The following TRIM9 variants were observed in gnomAD, a reference collection of about 807,000 sequenced individuals.
TRIM9 encodes the protein E3 ubiquitin-protein ligase TRIM9.
In TRIM9, 26 loss-of-function variants were observed where a neutral mutation model predicts 78.3. That is an observed-to-expected ratio of 0.33 (90% confidence interval 0.24 to 0.46). TRIM9 has a LOEUF of 0.46. Ranked by LOEUF, TRIM9 falls within the 20% of genes least tolerant of loss-of-function variation. The pLI, the probability that TRIM9 is intolerant of heterozygous loss-of-function variation, is 1.00. For missense variants in TRIM9, 787 were observed against 1,036.4 expected (o/e 0.76, Z 3.30); for synonymous variants, 398 against 416.5 (o/e 0.96, Z 0.54).
chr14:51,003,663 A>G (rs925100230), intron 5 of TRIM9, among the ~76,000 whole-genome samples: 4 of 152,062 alleles, frequency 2.6e-5, no homozygotes, highest in Non-Finnish European at 4.4e-5. Flanking sequence ...AAAAGGCTAG[A>G]CTCTCAATAA....
At chr14:51,076,981 G>A (rs890039847) in intron 1 of TRIM9, among the ~76,000 whole-genome samples, 4 of 152,196 alleles carry the variant, frequency 2.6e-5, no homozygotes, top group Non-Finnish European at 4.4e-5. Flanking sequence ...CTCTTCAGAC[G>A]CATCTAGTCC....
intron 1 of TRIM9, among the ~76,000 whole-genome samples, chr14:51,088,669 C>T (rs1207549558): frequency 2.0e-5 from 3 of 151,644 alleles, no homozygotes; most frequent in African/African-American, 4.8e-5. Flanking sequence ...AAAATCTCTT[C>T]GGCCTCTTTG....
At chr14:51,057,336 C>T (rs2060970796) in intron 1 of TRIM9, among the ~76,000 whole-genome samples, 1 of 152,086 alleles carries the variant, frequency 6.6e-6, no homozygotes, top group African/African-American at 2.4e-5. Context: ...CTAAAATAAT[C>T]CAAATTACCA....
At chr14:50,989,583 G>A (rs1014534624) in intron 7 of TRIM9, among the ~76,000 whole-genome samples, 6 of 152,168 alleles carry the variant, frequency 3.9e-5, no homozygotes, top group African/African-American at 1.4e-4. Context: ...AGGAGCTCCT[G>A]AAGAGACGTT....
intron 1 of TRIM9, among the ~76,000 whole-genome samples, chr14:51,043,711 T>G (rs1047522909): frequency 6.6e-6 from 1 of 152,200 alleles, no homozygotes; most frequent in Non-Finnish European, 1.5e-5. Context: ...TTATATGAAT[T>G]CTTTTTAGTT....
intron 11 of TRIM9, among the ~76,000 whole-genome samples, chr14:50,980,021 C>T (rs2051642360): frequency 6.6e-6 from 1 of 152,322 alleles, no homozygotes; most frequent in Non-Finnish European, 1.5e-5. Context: ...TACAAAGTGA[C>T]TTAATTTGAA....
At chr14:51,071,135 T>C (rs2062193422) in intron 1 of TRIM9, among the ~76,000 whole-genome samples, 1 of 151,862 alleles carries the variant, frequency 6.6e-6, no homozygotes, top group Admixed American at 6.6e-5. Context: ...TCCTAGCACT[T>C]TGAGGCCAGG....
At chr14:50,985,035 A>C (rs1347874820) in intron 8 of TRIM9, among the ~76,000 whole-genome samples, 1 of 152,258 alleles carries the variant, frequency 6.6e-6, no homozygotes, top group East Asian at 1.9e-4. Flanking sequence ...AAAAGAATAA[A>C]ATAAAAACCA....
At chr14:51,018,198 T>TC (rs1402804067) in intron 3 of TRIM9, among the ~76,000 whole-genome samples, 1 of 152,210 alleles carries the variant, frequency 6.6e-6, no homozygotes, top group Admixed American at 6.5e-5. Context: ...TAGTTGCTTT[T>TC]TTTTTCTAGT....
chr14:51,010,527 A>T (rs202200082), intron 3 of TRIM9, 33 bp from the exon 4 acceptor site: 2 of 1,528,908 alleles, frequency 1.3e-6, no homozygotes, highest in Non-Finnish European at 1.8e-6. Context: ...AGAACAGTCC[A>T]AGATGGCAGA....
At position 50,977,268 on chromosome 14, in the gene TRIM9, G is replaced by A; in HGVS notation, c.*23C>T. ...TCGCAGGCGGAGGTAAGAACAGGCAGCTGGCGCCTCCACGGCACATCCTTA... is the reference window on the plus strand; with the variant it reads ...TCGCAGGCGGAGGTAAGAACAGGCAACTGGCGCCTCCACGGCACATCCTTA... On this transcript the variant is annotated 3_prime_UTR_variant, in exon 13 of 13. Coordinates refer to ENST00000684578, the MANE Select transcript of TRIM9 (RefSeq NM_001387360.1). 1 of 1,459,520 alleles carries A rather than the reference G, an allele frequency of 6.9e-7. No homozygotes were observed. The highest frequency in any genetic ancestry group is 1.5e-5 in the South Asian group (1 of 67,600). The allele number at this position is 1,459,520 out of a possible 1,614,324, so 90.4% of individuals were successfully genotyped here.
At chr14:51,026,179 A>C (rs1368965333) in intron 1 of TRIM9, among the ~76,000 whole-genome samples, 1 of 152,074 alleles carries the variant, frequency 6.6e-6, no homozygotes, top group African/African-American at 2.4e-5. Context: ...CTGATACGGA[A>C]CCACTGTGAT....
intron 1 of TRIM9, among the ~76,000 whole-genome samples, chr14:51,039,724 TA>T (rs1162200181): frequency 6.6e-6 from 1 of 151,538 alleles, no homozygotes; most frequent in African/African-American, 2.4e-5. Flanking sequence ...CAGATTTGTA[TA>T]TTTTATTATA....
chr14:51,094,077 G>C (rs544641733), intron 1 of TRIM9, 41 bp downstream of exon 1: 43 of 1,564,528 alleles, frequency 2.7e-5, no homozygotes, highest in South Asian at 2.7e-4. Flanking sequence ...CCGGATGATC[G>C]GAGACGCAGG....
chr14:50,979,485 A>G lies in TRIM9; in HGVS notation c.2227T>C (p.Leu743=). Residue 743 remains leucine, a synonymous_variant, in exon 12 of 13, where the codon TTG becomes CTG. Transcript: ENST00000684578. The part of the protein sequence containing the change: ...GVLLDLNRKN[L]TFFINDEQQG... ...TGTTCATCGTTGATAAAAAATGTCA[A>G]GTTTTTTCTATTTAAGTCGAGGAGG... The G allele has an allele frequency of 6.2e-7, 1 of 1,614,140 alleles. No homozygotes were observed. Among genetic ancestry groups the G allele is most frequent in the Non-Finnish European group, 8.5e-7 (1 of 1,180,026 alleles).
At chr14:50,977,664 C>T (rs939391792) in intron 12 of TRIM9, among the ~76,000 whole-genome samples, 1 of 152,130 alleles carries the variant, frequency 6.6e-6, no homozygotes, top group Admixed American at 6.5e-5. Flanking sequence ...GATAGAGGAG[C>T]CTACTGGCCA....
chr14:51,043,079 T>C (rs1384727956), intron 1 of TRIM9, among the ~76,000 whole-genome samples: 1 of 152,258 alleles, frequency 6.6e-6, no homozygotes, highest in African/African-American at 2.4e-5. Context: ...TCTGAATTTC[T>C]AAGAATGTTG....
At chr14:50,977,388 G>A (rs768579292) in intron 12 of TRIM9, 35 bp from the exon 13 acceptor site, 2 of 1,476,326 alleles carry the variant, frequency 1.4e-6, no homozygotes, top group Non-Finnish European at 1.8e-6. Flanking sequence ...GAGAGGCATC[G>A]TGCATCCCCC....
chr14:51,061,432 T>C (rs2061345668), intron 1 of TRIM9, among the ~76,000 whole-genome samples: 1 of 133,318 alleles, frequency 7.5e-6, no homozygotes, highest in South Asian at 2.2e-4. Flanking sequence ...AAAAAAAAAA[T>C]TGGATTGTTG....
Sources: gnomAD v4.1 joint callset for allele counts (sites outside exome capture counted in the v4.1 genomes callset) on GRCh38, gnomAD v4.1.1 for gene constraint, MANE v1.5 for transcripts, NCBI Gene and HGNC (gene_info 2026-07-23, HGNC 2026-07-21) for gene names.